ZNF676: variants seen among roughly 807,000 people sequenced by gnomAD.
ZNF676 encodes the protein zinc finger protein 676.
A neutral mutation model predicts 6.0 loss-of-function variants in ZNF676; 4 were observed. That is an observed-to-expected ratio of 0.67 (90% CI 0.33 to 1.53). The LOEUF (loss-of-function observed/expected upper bound fraction) is 1.53. Ranked by LOEUF, ZNF676 falls within the 40% of genes most tolerant of loss-of-function variation. The pLI is 0.06. For synonymous variants in ZNF676, 198 were observed against 223.1 expected (o/e 0.89, Z 1.00); for missense variants, 644 against 679.7 (o/e 0.95, Z 0.58).
At chr19:22,235,917 T>C in the ZNF676 span, among the ~76,000 whole-genome samples, 1 of 150,692 alleles carries the variant, frequency 6.6e-6, no homozygotes, top group African/African-American at 2.4e-5. Flanking sequence ...CCAGGAGATG[T>C]GGTAATTTGC....
At chr19:22,228,156 A>G in the ZNF676 span, among the ~76,000 whole-genome samples, 1 of 152,198 alleles carries the variant, frequency 6.6e-6, no homozygotes, top group African/African-American at 2.4e-5. Context: ...CTTATCCACC[A>G]TGATCCAGTC....
intron 2 of ZNF676, among the ~76,000 whole-genome samples, chr19:22,191,831 G>A (rs1304465733): frequency 1.3e-5 from 2 of 151,896 alleles, no homozygotes; most frequent in Non-Finnish European, 2.9e-5. Flanking sequence ...ATCACCCTGG[G>A]GGCCCCAAAA....
the ZNF676 span, among the ~76,000 whole-genome samples, chr19:22,224,439 T>C: frequency 1.3e-5 from 2 of 152,272 alleles, no homozygotes; most frequent in African/African-American, 4.8e-5. Flanking sequence ...CAATTATGGT[T>C]ATGGCTTATC....
the ZNF676 span, among the ~76,000 whole-genome samples, chr19:22,232,164 T>TA: frequency 6.6e-6 from 1 of 151,770 alleles, no homozygotes; most frequent in African/African-American, 2.4e-5. Flanking sequence ...GCATATTTCT[T>TA]TTCTTTTCTT....
At chr19:22,191,881 T>G (rs1480587249) in intron 2 of ZNF676, among the ~76,000 whole-genome samples, 3 of 152,160 alleles carry the variant, frequency 2.0e-5, no homozygotes, top group African/African-American at 7.2e-5. Context: ...TATAAAAATT[T>G]TAAGAGGTGT....
chr19:22,197,856 A>AGAAG (rs1255218545), upstream of ZNF676, among the ~76,000 whole-genome samples: 1 of 152,198 alleles, frequency 6.6e-6, no homozygotes, highest in Non-Finnish European at 1.5e-5. Flanking sequence ...TGATGTACCC[A>AGAAG]GAAGGACACA....
intron 2 of ZNF676, among the ~76,000 whole-genome samples, chr19:22,182,581 G>A (rs2023771506): frequency 4.6e-5 from 1 of 21,684 alleles, no homozygotes; most frequent in African/African-American, 3.6e-4. Flanking sequence ...TATAGTCAAA[G>A]TTCTAAAAAA....
intron 2 of ZNF676, among the ~76,000 whole-genome samples, chr19:22,187,814 A>C (rs1027577528): frequency 6.6e-6 from 1 of 152,180 alleles, no homozygotes; most frequent in Non-Finnish European, 1.5e-5. Flanking sequence ...CCCAAGTCTA[A>C]ATCAGGAAGA....
chr19:22,217,961 C>T (rs1314850760), upstream of ZNF676, among the ~76,000 whole-genome samples: 3 of 151,774 alleles, frequency 2.0e-5, no homozygotes, highest in African/African-American at 7.3e-5. Context: ...GTCTTGGTCT[C>T]CCAGAGTGCT....
At chr19:22,193,197 T>C (rs1217300749) in intron 1 of ZNF676, 86 bp from the exon 2 acceptor site, 4 of 1,330,154 alleles carry the variant, frequency 3.0e-6, no homozygotes, top group Non-Finnish European at 3.0e-6. Context: ...GAGGATGTAA[T>C]AGAATATTCT....
chr19:22,236,054 G>A, the ZNF676 span, among the ~76,000 whole-genome samples: 2 of 151,544 alleles, frequency 1.3e-5, no homozygotes, highest in Admixed American at 1.3e-4. Context: ...GTTGAATGGG[G>A]ATGTGGTAGG....
the ZNF676 span, among the ~76,000 whole-genome samples, chr19:22,232,232 A>G: frequency 5.9e-4 from 89 of 151,026 alleles, no homozygotes; most frequent in Middle Eastern, 6.9e-3. Context: ...CAGTGGTGTG[A>G]TCTTGGCTCA....
chr19:22,180,368 T>G lies in ZNF676; in HGVS notation c.1349A>C (p.Lys450Thr). The part of the protein sequence containing the change: ...KRIHAGEKPY[K>T]CEECGKAFTW... The stretch of plus-strand genomic sequence containing the variant: ...GAAGGCTTTGCCACATTCTTCACAT[T>G]TGTAGGGTTTCTCTCCAGCATGAAT... Residue 450 changes from lysine to threonine, a missense_variant, in exon 3 of 3, where the codon AAA (lysine) becomes ACA (threonine). Lys to Thr is a moderately conservative substitution (Grantham distance 78, BLOSUM62 -1). Transcript: ENST00000397121. 1 of 1,613,922 alleles carries G rather than the reference T, an allele frequency of 6.2e-7. No homozygotes were observed. Among genetic ancestry groups the G allele is most frequent in the Non-Finnish European group, 8.5e-7 (1 of 1,179,914 alleles).
intron 2 of ZNF676, among the ~76,000 whole-genome samples, chr19:22,182,983 A>T (rs558989867): frequency 6.6e-6 from 1 of 152,284 alleles, no homozygotes; most frequent in South Asian, 2.1e-4. Context: ...AGATAAACTT[A>T]GCAACATCAG....
the ZNF676 span, among the ~76,000 whole-genome samples, chr19:22,223,108 G>A: frequency 6.6e-6 from 1 of 152,112 alleles, no homozygotes. Flanking sequence ...GCTGTGGCTG[G>A]GAGGAGTTTG....
chr19:22,253,409 T>TATATATATAC, the ZNF676 span, among the ~76,000 whole-genome samples: 1 of 67,172 alleles, frequency 1.5e-5, no homozygotes, highest in Non-Finnish European at 3.7e-5. Context: ...AATGTGTATA[T>TATATATATAC]ATATATATGA....
chr19:22,232,371 T>C, the ZNF676 span, among the ~76,000 whole-genome samples: 3 of 152,138 alleles, frequency 2.0e-5, no homozygotes, highest in Non-Finnish European at 4.4e-5. Flanking sequence ...TTTCACCATG[T>C]TGGCCAGGAT....
At chr19:22,195,979 A>T (rs2023962540) in intron 1 of ZNF676, among the ~76,000 whole-genome samples, 1 of 151,678 alleles carries the variant, frequency 6.6e-6, no homozygotes, top group East Asian at 1.9e-4. Context: ...CAAACATCTC[A>T]TATGTAGTTT....
At chr19:22,218,534 C>T (rs533015084), upstream of ZNF676, among the ~76,000 whole-genome samples, 10 of 148,662 alleles carry the variant, frequency 6.7e-5, no homozygotes, top group South Asian at 2.1e-4. Flanking sequence ...TTAGTAGAGA[C>T]GGGGTTTCAC....
Sources: gnomAD v4.1 joint callset for allele counts (sites outside exome capture counted in the v4.1 genomes callset) on GRCh38, gnomAD v4.1.1 for gene constraint, MANE v1.5 for transcripts, NCBI Gene and HGNC (gene_info 2026-07-23, HGNC 2026-07-21) for gene names.